The following ANKS1B variants were observed in gnomAD, a reference collection of about 807,000 sequenced individuals.
The protein encoded by ANKS1B is ankyrin repeat and sterile alpha motif domain-containing protein 1B.
In ANKS1B, 36 loss-of-function variants were observed where a neutral mutation model predicts 148.3. That is an observed-to-expected ratio of 0.24 (90% CI 0.19 to 0.32). The LOEUF is 0.32. Ranked by LOEUF, ANKS1B falls within the 10% of genes least tolerant of loss-of-function variation. ANKS1B has a pLI of 1.00. For missense variants in ANKS1B, 1,157 were observed against 1,542.6 expected (o/e 0.75, Z 4.19); for synonymous variants, 542 against 560.8 (o/e 0.97, Z 0.47).
intron 17 of ANKS1B, among the ~76,000 whole-genome samples, chr12:98,848,064 A>T (rs1378914180): frequency 6.6e-6 from 1 of 152,248 alleles, no homozygotes; most frequent in African/African-American, 2.4e-5. Flanking sequence ...CTTTCTAAGA[A>T]ATAGATACTG....
chr12:99,538,662 T>C (rs527550639), intron 9 of ANKS1B, among the ~76,000 whole-genome samples: 1 of 152,296 alleles, frequency 6.6e-6, no homozygotes, highest in Non-Finnish European at 1.5e-5. Context: ...TTTAGGTTTT[T>C]CTAAAATCAT....
chr12:99,082,495 G>T (rs1264313741), intron 16 of ANKS1B, among the ~76,000 whole-genome samples: 1 of 152,050 alleles, frequency 6.6e-6, no homozygotes, highest in Non-Finnish European at 1.5e-5. Flanking sequence ...ATTGAAGCAG[G>T]GTATAGCATG....
intron 9 of ANKS1B, among the ~76,000 whole-genome samples, chr12:99,600,310 T>C (rs1242014154): frequency 1.3e-5 from 2 of 151,826 alleles, no homozygotes; most frequent in Non-Finnish European, 2.9e-5. Flanking sequence ...TGATGAAAAA[T>C]TACCCTACCC....
At chr12:98,839,340 C>T (rs1051479509) in intron 17 of ANKS1B, among the ~76,000 whole-genome samples, 4 of 152,038 alleles carry the variant, frequency 2.6e-5, no homozygotes, top group East Asian at 1.9e-4. Context: ...ACCATGTGAA[C>T]GTATGTGTGT....
chr12:99,318,475 G>C (rs2154029934), intron 12 of ANKS1B, among the ~76,000 whole-genome samples: 1 of 152,264 alleles, frequency 6.6e-6, no homozygotes, highest in Admixed American at 6.5e-5. Flanking sequence ...AGTGTTCTTT[G>C]AGGGTAGTTT....
intron 8 of ANKS1B, among the ~76,000 whole-genome samples, chr12:99,678,625 C>T (rs2098596054): frequency 2.0e-5 from 3 of 152,112 alleles, no homozygotes; most frequent in Admixed American, 2.0e-4. Context: ...AAGTACAATC[C>T]ATCCCTGATT....
chr12:99,163,102 T>A (rs1355702430), intron 14 of ANKS1B, among the ~76,000 whole-genome samples: 1 of 152,184 alleles, frequency 6.6e-6, no homozygotes, highest in Non-Finnish European at 1.5e-5. Context: ...AATTTATTAT[T>A]TGTTGGTTAT....
chr12:99,289,556 A>T (rs1356078004), intron 12 of ANKS1B, among the ~76,000 whole-genome samples: 1 of 152,064 alleles, frequency 6.6e-6, no homozygotes, highest in East Asian at 1.9e-4. Flanking sequence ...AAATATTGAA[A>T]TCATATCAAG....
chr12:99,084,783 G>A (rs997274588), intron 16 of ANKS1B, 142 bp downstream of exon 16: 6 of 612,772 alleles, frequency 9.8e-6, no homozygotes, highest in Non-Finnish European at 1.7e-5. Context: ...GTCTGAATGT[G>A]CAGTTGGACC....
intron 12 of ANKS1B, among the ~76,000 whole-genome samples, chr12:99,274,989 G>C (rs926505664): frequency 1.6e-4 from 25 of 152,210 alleles, no homozygotes; most frequent in African/African-American, 6.0e-4. Context: ...AAAGGACCAG[G>C]CAAAATCTAC....
intron 16 of ANKS1B, among the ~76,000 whole-genome samples, chr12:99,075,795 CAT>C (rs944312231): frequency 8.8e-5 from 13 of 147,188 alleles, no homozygotes; most frequent in African/African-American, 2.2e-4. Flanking sequence ...TATTGTATAA[CAT>C]ATATAATATA....
At chr12:99,368,700 T>C (rs1414922547) in intron 12 of ANKS1B, among the ~76,000 whole-genome samples, 1 of 152,040 alleles carries the variant, frequency 6.6e-6, no homozygotes, top group Admixed American at 6.6e-5. Context: ...TTTACAGTGG[T>C]TGAGAAAAGA....
At chr12:99,466,237 C>A (rs2096110868) in intron 10 of ANKS1B, among the ~76,000 whole-genome samples, 1 of 152,046 alleles carries the variant, frequency 6.6e-6, no homozygotes, top group Non-Finnish European at 1.5e-5. Flanking sequence ...TCTTTGAAAC[C>A]AACGAAAACA....
intron 17 of ANKS1B, among the ~76,000 whole-genome samples, chr12:98,874,900 C>T (rs571929734): frequency 3.3e-4 from 50 of 152,316 alleles, no homozygotes; most frequent in African/African-American, 1.1e-3. Context: ...CAATGACACA[C>T]ATAGCTTGCC....
rs541366843 is a variant in ANKS1B, at chr12:99,246,378, T to G, written c.2243A>C (p.Asn748Thr). 3.7e-6 allele frequency: 6 copies of G among 1,613,900 alleles called. No homozygotes were observed. In the South Asian group the frequency reaches 6.6e-5, roughly 18 times the overall value. The change falls in exon 13 of 27, where the codon AAT becomes ACT. Residue 748 changes from asparagine to threonine, a missense_variant. Around this residue, in one of 6 missense-constraint regions of ANKS1B, gnomAD observed 661 missense variants for 642.1 expected, o/e 1.03. Transcript: ENST00000683438. ...SDSDLIAYPS[N>T]EKTSRVNWSE... Reference sequence around the variant, plus strand: ...CCAGTTAACTCTTGATGTTTTCTCATTGGAAGGATAGGCAATGAGATCAGA... The same window carrying G: ...CCAGTTAACTCTTGATGTTTTCTCAGTGGAAGGATAGGCAATGAGATCAGA...
At chr12:99,463,358 G>C (rs578119581) in intron 10 of ANKS1B, among the ~76,000 whole-genome samples, 1 of 152,224 alleles carries the variant, frequency 6.6e-6, no homozygotes, top group African/African-American at 2.4e-5. Flanking sequence ...CCCAGCATGA[G>C]TGACGCAGAA....
chr12:99,805,280 A>AAAAAAAAAAAAAAAAAAAC (rs2067483197), intron 4 of ANKS1B, among the ~76,000 whole-genome samples: 1 of 148,060 alleles, frequency 6.8e-6, no homozygotes. Context: ...AAAAAAAAAA[A>AAAAAAAAAAAAAAAAAAAC]AAAAAAAAGA....
At chr12:99,119,021 G>A (rs2062069615) in intron 15 of ANKS1B, among the ~76,000 whole-genome samples, 1 of 152,156 alleles carries the variant, frequency 6.6e-6, no homozygotes, top group South Asian at 2.1e-4. Flanking sequence ...GGGTGAATAA[G>A]AGCCCCCAAA....
intron 8 of ANKS1B, among the ~76,000 whole-genome samples, chr12:99,756,492 G>T (rs1167175928): frequency 6.6e-6 from 1 of 151,934 alleles, no homozygotes; most frequent in East Asian, 1.9e-4. Flanking sequence ...TCGTGAAAAT[G>T]GTCACACTGC....
Sources: gnomAD v4.1 joint callset for allele counts (sites outside exome capture counted in the v4.1 genomes callset) on GRCh38, gnomAD v4.1.1 for gene constraint, gnomAD v4.1.1 regional missense constraint, MANE v1.5 for transcripts, NCBI Gene and HGNC (gene_info 2026-07-23, HGNC 2026-07-21) for gene names.